Variants in WFDC11 observed in about 807,000 individuals in gnomAD.
WFDC11 encodes protein WFDC11.
A neutral mutation model predicts 9.9 loss-of-function variants in WFDC11; 9 were observed. That is an observed-to-expected ratio of 0.91 (90% CI 0.55 to 1.58). The LOEUF is 1.58. Among genes scored for constraint, WFDC11 ranks in the 40% most tolerant of loss-of-function variants. The pLI is 0.00. For synonymous variants in WFDC11, 32 were observed against 33.3 expected (o/e 0.96, Z 0.13); for missense variants, 106 against 101.7 (o/e 1.04, Z -0.18).
chr20:45,657,864 A>T (rs1982970430), intron 2 of WFDC11, among the ~76,000 whole-genome samples: 1 of 152,246 alleles, frequency 6.6e-6, no homozygotes, highest in Non-Finnish European at 1.5e-5. Flanking sequence ...TTAAAGTGTT[A>T]GCTTACAAAA....
intron 2 of WFDC11, among the ~76,000 whole-genome samples, chr20:45,661,461 C>T (rs544438880): frequency 2.6e-5 from 4 of 152,116 alleles, no homozygotes; most frequent in African/African-American, 9.6e-5. Flanking sequence ...GTTGCCATTG[C>T]TTTTGGCGTT....
chr20:45,663,111 A>C (rs972054624), intron 2 of WFDC11, among the ~76,000 whole-genome samples: 10 of 151,996 alleles, frequency 6.6e-5, no homozygotes, highest in African/African-American at 2.4e-4. Context: ...TGTTATTAGT[A>C]TATTCAGAGA....
chr20:45,659,440 A>G (rs1983005674), intron 2 of WFDC11, among the ~76,000 whole-genome samples: 1 of 152,082 alleles, frequency 6.6e-6, no homozygotes, highest in Non-Finnish European at 1.5e-5. Flanking sequence ...TGTGGTTTTG[A>G]TTTGCATTTC....
At chr20:45,650,068 T>C (rs1982767585) in intron 3 of WFDC11, among the ~76,000 whole-genome samples, 1 of 152,184 alleles carries the variant, frequency 6.6e-6, no homozygotes, top group East Asian at 1.9e-4. Flanking sequence ...AATGCCCATT[T>C]GGTACTCATA....
chr20:45,655,425 A>C (rs1370582406), intron 2 of WFDC11, among the ~76,000 whole-genome samples: 1 of 152,230 alleles, frequency 6.6e-6, no homozygotes, highest in East Asian at 1.9e-4. Context: ...TATTGATGGG[A>C]TGTATCTCAA....
At chr20:45,662,475 G>A (rs535696579) in intron 2 of WFDC11, among the ~76,000 whole-genome samples, 64 of 152,318 alleles carry the variant, frequency 4.2e-4, no homozygotes, top group Non-Finnish European at 4.6e-4. Flanking sequence ...AGTGGTGAGA[G>A]AGGGCATCCC....
rs927664828 is a variant in WFDC11 at position 45,664,878 on chromosome 20, T to C, written c.-52+2210A>G. ...TTTCCTTCATTTCAACTTTAGTGAA[T>C]CTAACAATTTGTGTCTTGGGGTTGC... On this transcript the variant is annotated intron_variant, in intron 2 of 4. Coordinates refer to ENST00000324384, the MANE Select transcript of WFDC11 (RefSeq NM_147197.2). 3.9e-5 allele frequency among the ~76,000 whole-genome samples: 6 copies of C among 152,204 alleles called. No homozygotes were observed. In the South Asian group the frequency reaches 6.2e-4, roughly 16 times the overall value.
At chr20:45,658,741 CTT>C (rs1487368326) in intron 2 of WFDC11, among the ~76,000 whole-genome samples, 2 of 152,022 alleles carry the variant, frequency 1.3e-5, no homozygotes, top group African/African-American at 4.8e-5. Context: ...TTTTATCACA[CTT>C]TAAGTTCTGG....
Position 45,648,665 on chromosome 20 carries a change from C to G in WFDC11, c.*54G>C. ...TAGCCACAGGGTACTACTATGAGAC[C>G]TCTTAAACATTTCCCAGCCCACACA... On this transcript the variant is annotated 3_prime_UTR_variant, in exon 5 of 5. Transcript: ENST00000324384. 1 of 1,607,544 alleles carries G rather than the reference C, an allele frequency of 6.2e-7. No homozygotes were observed. The highest frequency in any genetic ancestry group is 2.2e-5 in the East Asian group (1 of 44,836).
intron 2 of WFDC11, among the ~76,000 whole-genome samples, chr20:45,666,294 G>A (rs575158951): frequency 1.3e-4 from 20 of 152,362 alleles, no homozygotes; most frequent in Admixed American, 2.0e-4. Flanking sequence ...CAGTATTTGG[G>A]TGGGAGTGTC....
intron 2 of WFDC11, among the ~76,000 whole-genome samples, chr20:45,655,716 A>T (rs1210346887): frequency 2.0e-5 from 3 of 152,256 alleles, no homozygotes; most frequent in Non-Finnish European, 2.9e-5. Flanking sequence ...CCTTAAGCTG[A>T]TAAGCAACTT....
chr20:45,659,520 G>A (rs1983009381), intron 2 of WFDC11, among the ~76,000 whole-genome samples: 1 of 152,208 alleles, frequency 6.6e-6, no homozygotes, highest in African/African-American at 2.4e-5. Flanking sequence ...CTTCTGAGAA[G>A]TGTCTGTTCA....
chr20:45,655,086 G>A (rs763448630), intron 2 of WFDC11, among the ~76,000 whole-genome samples: 1 of 152,132 alleles, frequency 6.6e-6, no homozygotes, highest in African/African-American at 2.4e-5. Context: ...ATTTTATGAG[G>A]CCAGCATCAT....
At chr20:45,650,448 CA>C in intron 3 of WFDC11, 52 bp downstream of exon 3, 1 of 1,472,838 alleles carries the variant, frequency 6.8e-7, no homozygotes, top group Non-Finnish European at 9.5e-7. Flanking sequence ...CTCCCTTGTT[CA>C]GAAACAAGCT....
At chr20:45,652,774 A>G (rs1057331936) in intron 2 of WFDC11, among the ~76,000 whole-genome samples, 25 of 152,246 alleles carry the variant, frequency 1.6e-4, no homozygotes, top group Admixed American at 3.3e-4. Flanking sequence ...CATGAGAACT[A>G]TGTGACAAAT....
At position 45,648,658 on chromosome 20, in the gene WFDC11, A is replaced by G. The variant is rs1568660226; in HGVS notation, c.*61T>C. On this transcript the variant is annotated 3_prime_UTR_variant, in exon 5 of 5. Transcript: ENST00000324384. ...CTAAAAGTAGCCACAGGGTACTACT[A>G]TGAGACCTCTTAAACATTTCCCAGC... 4.4e-6 allele frequency: 7 copies of G among 1,595,642 alleles called. No homozygotes were observed. The South Asian group carries it at 5.5e-5, about 13-fold the overall frequency.
At chr20:45,648,952 G>A (rs1489210950) in intron 4 of WFDC11, among the ~76,000 whole-genome samples, 1 of 152,210 alleles carries the variant, frequency 6.6e-6, no homozygotes, top group East Asian at 1.9e-4. Flanking sequence ...CCATGGGAAA[G>A]TCTGACTATG....
Position 45,658,102 on chromosome 20 carries a change from C to A in WFDC11, c.-51-7451G>T, listed in dbSNP as rs570143366. 2.6e-5 allele frequency among the ~76,000 whole-genome samples: 4 copies of A among 152,240 alleles called. No homozygotes were observed. In the South Asian group the frequency reaches 8.3e-4, roughly 32 times the overall value. ...AGGACATATTTAATGTATACAACTACAATGAGTTTGAAGACAAGTATACAC... is the reference window on the plus strand; with the variant it reads ...AGGACATATTTAATGTATACAACTAAAATGAGTTTGAAGACAAGTATACAC... On this transcript the variant is annotated intron_variant, in intron 2 of 4. Transcript: ENST00000324384.
At chr20:45,660,519 C>G (rs1368785042) in intron 2 of WFDC11, among the ~76,000 whole-genome samples, 1 of 152,108 alleles carries the variant, frequency 6.6e-6, no homozygotes, top group African/African-American at 2.4e-5. Flanking sequence ...CACCCATTCA[C>G]TCGTCATTTA....
Sources: allele counts gnomAD v4.1 joint callset (sites outside exome capture counted in the v4.1 genomes callset), GRCh38; gene constraint gnomAD v4.1.1; transcripts MANE v1.5; gene names NCBI Gene and HGNC (gene_info 2026-07-23, HGNC 2026-07-21).